The following OR5P3 variants were observed in gnomAD, a reference collection of about 807,000 sequenced individuals.
OR5P3 encodes olfactory receptor 5P3.
For synonymous variants in OR5P3, 172 were observed against 141.8 expected (o/e 1.21, Z -1.51); for missense variants, 415 against 375.6 (o/e 1.10, Z -0.87).
At chr11:7,826,722 G>C (rs2133493882) in intron 1 of OR5P3, among the ~76,000 whole-genome samples, 1 of 152,324 alleles carries the variant, frequency 6.6e-6, no homozygotes, top group African/African-American at 2.4e-5. Flanking sequence ...ATGATAGTGA[G>C]CCAATCTAGA....
At chr11:7,830,245 C>A (rs922397607) in intron 1 of OR5P3, among the ~76,000 whole-genome samples, 2 of 152,136 alleles carry the variant, frequency 1.3e-5, no homozygotes, top group African/African-American at 4.8e-5. Flanking sequence ...GCTCATCCAG[C>A]CACATTATTT....
intron 1 of OR5P3, among the ~76,000 whole-genome samples, chr11:7,826,663 G>A (rs1035093920): frequency 1.6e-4 from 24 of 152,228 alleles, no homozygotes; most frequent in Non-Finnish European, 3.5e-4. Flanking sequence ...AGGTTTGAAA[G>A]AGGAGATGAG....
At chr11:7,830,482 T>C (rs1857797988) in intron 1 of OR5P3, among the ~76,000 whole-genome samples, 1 of 152,332 alleles carries the variant, frequency 6.6e-6, no homozygotes, top group African/African-American at 2.4e-5. Context: ...GAGTCAGTTA[T>C]ACATGCTATT....
chr11:7,826,045 C>T, intron 1 of OR5P3, 52 bp from the exon 2 acceptor site: 1 of 874,952 alleles, frequency 1.1e-6, no homozygotes, highest in Non-Finnish European at 1.8e-6. Context: ...TATAATTGCA[C>T]ACTTATTTTT....
At chr11:7,829,040 A>C (rs978487743) in intron 1 of OR5P3, among the ~76,000 whole-genome samples, 2 of 152,288 alleles carry the variant, frequency 1.3e-5, no homozygotes, top group Non-Finnish European at 2.9e-5. Context: ...AATTACCATA[A>C]AAATAAAATG....
intron 1 of OR5P3, among the ~76,000 whole-genome samples, chr11:7,829,972 A>G (rs1305965189): frequency 6.6e-6 from 1 of 152,184 alleles, no homozygotes; most frequent in Non-Finnish European, 1.5e-5. Flanking sequence ...AGATAATTCA[A>G]TGTTTTCCTA....
At chr11:7,826,867 T>G (rs747765914) in intron 1 of OR5P3, among the ~76,000 whole-genome samples, 1 of 152,204 alleles carries the variant, frequency 6.6e-6, no homozygotes, top group Non-Finnish European at 1.5e-5. Context: ...CCTATCTGAA[T>G]AGTTGCTGTC....
intron 1 of OR5P3, among the ~76,000 whole-genome samples, chr11:7,828,448 A>G (rs544576569): frequency 6.6e-6 from 1 of 152,144 alleles, no homozygotes; most frequent in South Asian, 2.1e-4. Context: ...TAATACACAC[A>G]ATTGTCTAAC....
rs1210002284 is a variant in OR5P3 at position 7,825,388 on chromosome 11, A to G, written c.585T>C (p.Phe195=). 6 of 1,613,226 alleles carry G rather than the reference A, an allele frequency of 3.7e-6. No homozygotes were observed. The highest frequency in any genetic ancestry group is 5.1e-6 in the Non-Finnish European group (6 of 1,180,032). Reference sequence around the variant, plus strand: ...CAGAAGAGATAGCTGGAATTATTTCAAAAGTAAAATCATGGGAACAAGCAA... The same window carrying G: ...CAGAAGAGATAGCTGGAATTATTTCGAAAGTAAAATCATGGGAACAAGCAA... ...LKLACSHDFT[F]EIIPAISSGS... The change falls in exon 2 of 2, where the codon TTT becomes TTC. Residue 195 remains phenylalanine, a synonymous_variant. Transcript: ENST00000641167.
Position 7,825,864 on chromosome 11 carries a change from C to T in OR5P3, c.109G>A (p.Val37Ile), listed in dbSNP as rs1469048398. Residue 37 changes from valine to isoleucine, a missense_variant, in exon 2 of 2, where the codon GTC (valine) becomes ATC (isoleucine). Coordinates refer to ENST00000641167, the MANE Select transcript of OR5P3 (RefSeq NM_153445.2). Reference protein sequence around the residue: ...LFLVFLGIYVVTLMGNISIIV... With the variant: ...LFLVFLGIYVITLMGNISIIV... ...ATGCTGATATTACCCATTAAGGTGA[C>T]AACATAAATTCCTAGAAACACAAGA... is the stretch of plus-strand genomic sequence containing the variant. 11 of 1,610,822 alleles carry T rather than the reference C, an allele frequency of 6.8e-6. No homozygotes were observed. Among genetic ancestry groups the T allele is most frequent in the African/African-American group, 1.4e-5 (1 of 73,666 alleles).
intron 1 of OR5P3, among the ~76,000 whole-genome samples, chr11:7,828,282 CTG>C (rs1857767786): frequency 6.6e-6 from 1 of 152,078 alleles, no homozygotes. Flanking sequence ...TTGTTGATAA[CTG>C]TGACTGCAGA....
At position 7,825,272 on chromosome 11, in the gene OR5P3, C is replaced by T. The variant is rs771019044; in HGVS notation, c.701G>A (p.Arg234His). 1.3e-5 allele frequency: 21 copies of T among 1,612,978 alleles called. No homozygotes were observed. Among genetic ancestry groups the T allele is most frequent in the Middle Eastern group, 1.6e-4 (1 of 6,062 alleles). ...GGTGCAGGTGGAGAAGGCCTTGTGG[C>T]GGCCCTTGGTGGAGTGCATCTTCAG... is the stretch of plus-strand genomic sequence containing the variant. ...TILKMHSTKG[R>H]HKAFSTCTSH... Residue 234 changes from arginine to histidine, a missense_variant, in exon 2 of 2, where the codon CGC becomes CAC. Arg to His is a conservative substitution (Grantham distance 29, BLOSUM62 0). Coordinates refer to ENST00000641167, the MANE Select transcript of OR5P3 (RefSeq NM_153445.2).
Position 7,825,179 on chromosome 11 carries a change from C to G in OR5P3, c.794G>C (p.Ser265Thr), listed in dbSNP as rs143222352. The G allele has an allele frequency of 8.7e-6, 14 of 1,608,822 alleles. No homozygotes were observed. The East Asian group carries it at 2.5e-4, about 28-fold the overall frequency. Residue 265 changes from serine (S) to threonine (T), a missense_variant, in exon 2 of 2, where the codon AGC becomes ACC. By Grantham distance (58) the Ser-to-Thr change is moderately conservative. Transcript: ENST00000641167. Reference sequence around the variant, plus strand: ...CACCTTGTTCTGGTCAGTTGAGTAGCTGGACTTGGGCATCACATAAATGAA... The same window carrying G: ...CACCTTGTTCTGGTCAGTTGAGTAGGTGGACTTGGGCATCACATAAATGAA... ...ITFIYVMPKS[S>T]YSTDQNKVVS...
Position 7,825,708 on chromosome 11 carries a change from C to T in OR5P3, c.265G>A (p.Glu89Lys), listed in dbSNP as rs1857730825. The T allele has an allele frequency of 1.9e-6, 3 of 1,613,238 alleles. No homozygotes were observed. Among genetic ancestry groups the T allele is most frequent in the Non-Finnish European group, 2.5e-6 (3 of 1,180,044 alleles). The change falls in exon 2 of 2, where the codon GAA becomes AAA. Residue 89 changes from glutamate (E) to lysine (K), a missense_variant. Coordinates refer to ENST00000641167, the MANE Select transcript of OR5P3 (RefSeq NM_153445.2). ...PVMLMSFLRK[E>K]TSLPVAGCVA... ...CAACCAGCAACAGGGAGAGAGGTTTCTTTCCTTAGGAAGCTCATGAGCATG... is the reference window on the plus strand; with the variant it reads ...CAACCAGCAACAGGGAGAGAGGTTTTTTTCCTTAGGAAGCTCATGAGCATG...
Position 7,824,932 on chromosome 11 carries a change from G to A in OR5P3, c.*105C>T. ...GATTGACTAAAAAGCTCCACACTGG[G>A]TAATGGTCTATGGACAGATAAATTT... On this transcript the variant is annotated 3_prime_UTR_variant, in exon 2 of 2. Coordinates refer to ENST00000641167, the MANE Select transcript of OR5P3 (RefSeq NM_153445.2). The A allele has an allele frequency of 1.2e-6, 1 of 824,668 alleles. No homozygotes were observed. Among genetic ancestry groups the A allele is most frequent in the South Asian group, 3.3e-5 (1 of 30,228 alleles). 51.1% of individuals were successfully genotyped at this position (824,668 alleles called of 1,614,324 possible).
intron 1 of OR5P3, among the ~76,000 whole-genome samples, chr11:7,827,473 A>T (rs1432841839): frequency 3.9e-5 from 6 of 152,116 alleles, no homozygotes; most frequent in Non-Finnish European, 7.4e-5. Context: ...AATTTCACTA[A>T]GATTTTCTTT....
rs61525942 is a variant in OR5P3 at position 7,825,420 on chromosome 11, A to G, written c.553T>C (p.Leu185=). Residue 185 remains leucine (L), a synonymous_variant, in exon 2 of 2, where the codon TTG becomes CTG. Transcript: ENST00000641167. Reference sequence around the variant, plus strand: ...AAATCATGGGAACAAGCAAGCTTCAAAAGTGGTGAATAGTCACAGAAAAAG... The same window carrying G: ...AAATCATGGGAACAAGCAAGCTTCAGAAGTGGTGAATAGTCACAGAAAAAG... The part of the protein sequence containing the change: ...NHFFCDYSPL[L]KLACSHDFTF... The G allele has an allele frequency of 3.0e-3, 4,817 of 1,613,272 alleles. 446 individuals carry two copies. In the African/African-American group the frequency reaches 0.058, roughly 19 times the overall value.
At chr11:7,828,836 G>A (rs777107319) in intron 1 of OR5P3, among the ~76,000 whole-genome samples, 7 of 152,170 alleles carry the variant, frequency 4.6e-5, no homozygotes, top group Non-Finnish European at 8.8e-5. Context: ...CATATGGTCT[G>A]TCAAGACTTT....
In OR5P3 at chr11:7,829,588, T is replaced by A. The variant is rs866145716; in HGVS notation, c.-22+1236A>T. Among the ~76,000 whole-genome samples, 15 of 152,284 alleles carry A rather than the reference T, an allele frequency of 9.9e-5. No individual in the cohort carries two copies. The South Asian group carries it at 1.7e-3, about 17-fold the overall frequency. ...GTGATGCTGTGACATTTTAAAATGA[T>A]ATTCTAGGATTCAGCATAGTAAATT... is the stretch of plus-strand genomic sequence containing the variant. On this transcript the variant is annotated intron_variant, in intron 1 of 1. Transcript: ENST00000641167.
Sources: gnomAD v4.1 joint callset for allele counts (sites outside exome capture counted in the v4.1 genomes callset) on GRCh38, gnomAD v4.1.1 for gene constraint, MANE v1.5 for transcripts, NCBI Gene and HGNC (gene_info 2026-07-23, HGNC 2026-07-21) for gene names.